PCDH11X: variants seen among roughly 807,000 people sequenced by gnomAD.
PCDH11X encodes the protein protocadherin-11 X-linked.
Under a neutral mutation model 53.3 loss-of-function variants are expected in PCDH11X, and 18 were observed. The ratio of observed to expected loss-of-function variants is 0.34; its 90% CI spans 0.23 to 0.50. The LOEUF is 0.50. PCDH11X is among the 20% of genes least tolerant of loss of function. The pLI, the probability that PCDH11X is intolerant of heterozygous loss-of-function variation, is 0.98. For missense variants in PCDH11X, 570 were observed against 1,032.4 expected (o/e 0.55, Z 6.14); for synonymous variants, 279 against 393.3 (o/e 0.71, Z 3.44).
At chrX:92,036,231 A>G (rs2476087) in intron 6 of PCDH11X, among the ~76,000 whole-genome samples, 37,342 of 107,181 alleles carry the variant, frequency 0.35, 7,016 homozygotes, top group African/African-American at 0.66. Flanking sequence ...TTATGTCTGT[A>G]TATTGAGGAG....
At chrX:91,969,296 CAT>C (rs910663443) in intron 6 of PCDH11X, among the ~76,000 whole-genome samples, 7 of 111,124 alleles carry the variant, frequency 6.3e-5, no homozygotes, top group Non-Finnish European at 7.5e-5. Flanking sequence ...AGTATAACCA[CAT>C]GTCACAGCAA....
At chrX:92,134,517 G>A (rs2065051603) in intron 6 of PCDH11X, among the ~76,000 whole-genome samples, 1 of 110,943 alleles carries the variant, frequency 9.0e-6, no homozygotes, top group African/African-American at 3.3e-5. Flanking sequence ...TTGCCAGAAA[G>A]GTGTAACCGA....
At chrX:92,126,052 G>A (rs1389705804) in intron 6 of PCDH11X, among the ~76,000 whole-genome samples, 5 of 109,357 alleles carry the variant, frequency 4.6e-5, no homozygotes, top group African/African-American at 6.6e-5. Context: ...GCTTGAACCC[G>A]GGAGGTGGAG....
intron 8 of PCDH11X, among the ~76,000 whole-genome samples, chrX:92,305,477 G>A (rs776399372): frequency 3.4e-4 from 37 of 109,427 alleles, no homozygotes; most frequent in Non-Finnish European, 5.3e-4. Flanking sequence ...TTCCTCAGTC[G>A]TATCGAATTT....
rs1185289108 is a variant in PCDH11X, at chrX:91,924,280, C to T, written c.3033+45007C>T. Among the ~76,000 whole-genome samples the T allele has an allele frequency of 3.6e-5, 4 of 110,185 alleles. No individual in the cohort carries two copies. The East Asian group carries it at 8.6e-4, about 24-fold the overall frequency. On this transcript the variant is annotated intron_variant, in intron 6 of 10. Transcript: ENST00000682573. ...ATAACAGGAGATCATAGTGATGGGA[C>T]GTTAGAAGAACTGACCTGCTCTTAT...
intron 9 of PCDH11X, among the ~76,000 whole-genome samples, chrX:92,422,140 T>C (rs1274701535): frequency 2.8e-5 from 3 of 108,820 alleles, no homozygotes; most frequent in Non-Finnish European, 5.7e-5. Context: ...TTTTCTTTTT[T>C]TTTTTTTTTT....
At chrX:91,814,547 A>G (rs1936395452) in intron 4 of PCDH11X, among the ~76,000 whole-genome samples, 1 of 97,954 alleles carries the variant, frequency 1.0e-5, no homozygotes, top group South Asian at 5.2e-4. Flanking sequence ...TTATAAACAT[A>G]ATTTTAAATC....
chrX:92,144,382 A>T (rs1466255525), intron 6 of PCDH11X, among the ~76,000 whole-genome samples: 2 of 110,226 alleles, frequency 1.8e-5, no homozygotes, highest in Non-Finnish European at 3.8e-5. Context: ...TGTGCGAAGG[A>T]CCCAGGGGGA....
intron 6 of PCDH11X, among the ~76,000 whole-genome samples, chrX:91,926,954 T>G (rs1488596634): frequency 9.0e-6 from 1 of 111,331 alleles, no homozygotes; most frequent in African/African-American, 3.3e-5. Flanking sequence ...ACCTCTTCTA[T>G]CTCCCCTTCC....
At chrX:92,100,634 G>T (rs112865921) in intron 6 of PCDH11X, among the ~76,000 whole-genome samples, 1 of 110,332 alleles carries the variant, frequency 9.1e-6, no homozygotes, top group Non-Finnish European at 1.9e-5. Context: ...CCATCTGGTC[G>T]TATCCGTGCA....
At chrX:92,280,564 T>A (rs1436886078) in intron 8 of PCDH11X, among the ~76,000 whole-genome samples, 1 of 107,638 alleles carries the variant, frequency 9.3e-6, no homozygotes, top group African/African-American at 3.4e-5. Flanking sequence ...AAATAAATAA[T>A]AGAATATATC....
At chrX:92,422,537 T>C (rs2071994791) in intron 9 of PCDH11X, among the ~76,000 whole-genome samples, 1 of 111,455 alleles carries the variant, frequency 9.0e-6, no homozygotes, top group Admixed American at 9.5e-5. Flanking sequence ...TAAAACACAA[T>C]TTATTTATTC....
At chrX:92,594,854 GT>G (rs1166211753) in intron 10 of PCDH11X, among the ~76,000 whole-genome samples, 1 of 97,758 alleles carries the variant, frequency 1.0e-5, no homozygotes, top group Non-Finnish European at 2.1e-5. Context: ...TTTTTTGTTT[GT>G]TTGTTTTGGA....
chrX:92,359,403 C>T (rs2070292951), intron 8 of PCDH11X, among the ~76,000 whole-genome samples: 1 of 107,587 alleles, frequency 9.3e-6, no homozygotes, highest in Non-Finnish European at 1.9e-5. Context: ...GTAAATATGT[C>T]CCTTGGTACA....
At chrX:92,474,389 A>C in intron 10 of PCDH11X, among the ~76,000 whole-genome samples, 1 of 108,098 alleles carries the variant, frequency 9.3e-6, no homozygotes, top group Non-Finnish European at 1.9e-5. Context: ...TAGTTTTTTT[A>C]ATCCATTAAT....
At chrX:91,869,950 T>C (rs1316055238) in intron 5 of PCDH11X, among the ~76,000 whole-genome samples, 1 of 111,922 alleles carries the variant, frequency 8.9e-6, no homozygotes, top group East Asian at 2.8e-4. Context: ...TTATGCATGC[T>C]AGTAAAAAAT....
At position 92,312,089 on chromosome X, in the gene PCDH11X, C is replaced by T. The variant is rs767186425; in HGVS notation, c.3144+48946C>T. ...GTTGGTTTAAAATTATTTAGCATAA[C>T]CAAATTTGGCATCATTGCAGTGCCA... On this transcript the variant is annotated intron_variant, in intron 8 of 10. Coordinates refer to ENST00000682573, the MANE Select transcript of PCDH11X (RefSeq NM_032968.5). Among the ~76,000 whole-genome samples the T allele has an allele frequency of 1.9e-4, 21 of 111,243 alleles. No homozygotes were observed. The Admixed American group carries it at 1.9e-3, about 10-fold the overall frequency.
chrX:92,279,365 C>A (rs1346268060), intron 8 of PCDH11X, among the ~76,000 whole-genome samples: 4 of 111,887 alleles, frequency 3.6e-5, no homozygotes, highest in Non-Finnish European at 7.5e-5. Context: ...GACAGGTTAC[C>A]CTCTTTATTT....
chrX:91,925,346 T>A (rs1370298055), intron 6 of PCDH11X, among the ~76,000 whole-genome samples: 1 of 111,136 alleles, frequency 9.0e-6, no homozygotes, highest in Non-Finnish European at 1.9e-5. Flanking sequence ...GTACTCAAAG[T>A]ACGGTTTCTA....
Sources: gnomAD v4.1 joint callset for allele counts (sites outside exome capture counted in the v4.1 genomes callset) on GRCh38, gnomAD v4.1.1 for gene constraint, MANE v1.5 for transcripts, NCBI Gene and HGNC (gene_info 2026-07-23, HGNC 2026-07-21) for gene names.